Variants in ZNF791 observed in about 807,000 individuals in gnomAD.
ZNF791 encodes the protein zinc finger protein 791.
ZNF791 carries 4 observed loss-of-function variants against 11.5 expected under a neutral mutation model. The observed-to-expected ratio is 0.35, with a 90% CI of 0.17 to 0.80. The LOEUF is 0.80. Ranked by LOEUF, ZNF791 falls within the 30% of genes least tolerant of loss-of-function variation. ZNF791 has a pLI of 0.53. For missense variants in ZNF791, 559 were observed against 699.4 expected (o/e 0.80, Z 2.26); for synonymous variants, 212 against 228.1 (o/e 0.93, Z 0.64).
intron 1 of ZNF791, among the ~76,000 whole-genome samples, chr19:12,617,913 C>CTTT (rs958944041): frequency 5.2e-4 from 49 of 94,678 alleles, no homozygotes; most frequent in Middle Eastern, 6.7e-3. Flanking sequence ...CTAAATTTTG[C>CTTT]TTTTTTTTTT....
chr19:12,626,773 T>C (rs2023435087), intron 3 of ZNF791, among the ~76,000 whole-genome samples: 1 of 150,040 alleles, frequency 6.7e-6, no homozygotes, highest in African/African-American at 2.5e-5. Context: ...CCCGGCTAAT[T>C]TTTTTGTATT....
intron 1 of ZNF791, 55 bp from the exon 2 acceptor site, chr19:12,623,645 A>G: frequency 6.2e-7 from 1 of 1,606,304 alleles, no homozygotes; most frequent in Non-Finnish European, 8.5e-7. Context: ...TGAATTGAGG[A>G]TACCTCTCAT....
chr19:12,619,300 A>G (rs2023296002), intron 1 of ZNF791, among the ~76,000 whole-genome samples: 1 of 152,190 alleles, frequency 6.6e-6, no homozygotes, highest in Non-Finnish European at 1.5e-5. Flanking sequence ...GTGCAAACGC[A>G]CAATAAATTC....
chr19:12,616,088 T>C (rs1395233004), intron 1 of ZNF791, among the ~76,000 whole-genome samples: 1 of 152,236 alleles, frequency 6.6e-6, no homozygotes, highest in Non-Finnish European at 1.5e-5. Flanking sequence ...TTGCTATCCA[T>C]TGCTGTTCTC....
chr19:12,628,011 A>C lies in ZNF791; in HGVS notation c.482A>C (p.Lys161Thr). ...AGTCACACTGGAGAAAAACCCTATA[A>C]ATGTAAACAATGTGGAAAAACCTTC... ...ERSHTGEKPY[K>T]CKQCGKTFIY... The change falls in exon 4 of 4, where the codon AAA becomes ACA. Residue 161 changes from lysine (K) to threonine (T), a missense_variant. Coordinates refer to ENST00000343325, the MANE Select transcript of ZNF791 (RefSeq NM_153358.3). 6.2e-7 allele frequency: 1 copy of C among 1,613,338 alleles called. No individual in the cohort carries two copies. Among genetic ancestry groups the C allele is most frequent in the Middle Eastern group, 1.7e-4 (1 of 6,058 alleles).
At chr19:12,619,501 G>A (rs1181884622) in intron 1 of ZNF791, among the ~76,000 whole-genome samples, 6 of 140,042 alleles carry the variant, frequency 4.3e-5, no homozygotes, top group African/African-American at 1.3e-4. Flanking sequence ...CCAGGCTGGA[G>A]TGCAGTGGCG....
Position 12,628,560 on chromosome 19 carries a change from G to A in ZNF791, c.1031G>A (p.Arg344Gln), listed in dbSNP as rs765211548. The A allele has an allele frequency of 3.1e-5, 49 of 1,598,742 alleles. No homozygotes were observed. Among genetic ancestry groups the A allele is most frequent in the East Asian group, 1.1e-4 (5 of 44,718 alleles). ...GKSFSARPAF[R>Q]VHVRVHTGEK... Reference sequence around the variant, plus strand: ...TCTTTCAGTGCACGCCCAGCCTTTCGAGTACACGTGAGAGTGCATACTGGA... The same window carrying A: ...TCTTTCAGTGCACGCCCAGCCTTTCAAGTACACGTGAGAGTGCATACTGGA... Residue 344 changes from arginine to glutamine, a missense_variant, in exon 4 of 4, where the codon CGA (arginine) becomes CAA (glutamine). By Grantham distance (43) the Arg-to-Gln change is conservative (BLOSUM62 1). Transcript: ENST00000343325.
In ZNF791 at chr19:12,628,143, T is replaced by C. The variant is rs1263326661; in HGVS notation, c.614T>C (p.Val205Ala). 6.2e-7 allele frequency: 1 copy of C among 1,614,090 alleles called. No individual in the cohort carries two copies. Residue 205 changes from valine to alanine, a missense_variant, in exon 4 of 4, where the codon GTT becomes GCT. Coordinates refer to ENST00000343325, the MANE Select transcript of ZNF791 (RefSeq NM_153358.3). ...KALSCSSSLR[V>A]HERIHTGEKP... ...CTTAGTTGTTCCAGTTCGCTTCGAG[T>C]TCATGAAAGGATTCACACTGGAGAA...
intron 1 of ZNF791, among the ~76,000 whole-genome samples, chr19:12,616,548 C>A (rs2023247078): frequency 6.6e-6 from 1 of 152,096 alleles, no homozygotes; most frequent in Non-Finnish European, 1.5e-5. Flanking sequence ...AAAAATTAGC[C>A]CAATGTGGGT....
intron 1 of ZNF791, among the ~76,000 whole-genome samples, chr19:12,620,330 C>T (rs1401387930): frequency 1.3e-5 from 2 of 152,128 alleles, no homozygotes; most frequent in Admixed American, 6.6e-5. Context: ...CGTGCACCAC[C>T]ACGCCTGGCC....
rs1454130062 is a variant in ZNF791, at chr19:12,614,914, T to TTTTTTTTTTTTTTG, written c.3+3833_3+3846dup. On this transcript the variant is annotated intron_variant, in intron 1 of 3. Transcript: ENST00000343325. ...GGCCTTTTTTTTTTTTTTTTTTTTT[T>TTTTTTTTTTTTTTG]TTTTTTTTTTTTTGATACAGCGTCT... 2.2e-5 allele frequency among the ~76,000 whole-genome samples: 3 copies of TTTTTTTTTTTTTTG among 138,172 alleles called. 1 individual carries two copies. Among genetic ancestry groups the TTTTTTTTTTTTTTG allele is most frequent in the Non-Finnish European group, 4.6e-5 (3 of 64,982 alleles). The allele number at this position is 138,172 out of a possible 152,430, so 90.6% of individuals were successfully genotyped here. A position where few individuals can be genotyped will look rare whatever the true frequency, so the allele number is the denominator to read the frequency against.
chr19:12,612,035 T>C (rs1568285083), intron 1 of ZNF791, among the ~76,000 whole-genome samples: 1 of 152,214 alleles, frequency 6.6e-6, no homozygotes, highest in East Asian at 1.9e-4. Flanking sequence ...AAAAATTCTT[T>C]GTTCTTTCCC....
chr19:12,617,913 CTTTTTTT>C (rs958944041), intron 1 of ZNF791, among the ~76,000 whole-genome samples: 4 of 94,746 alleles, frequency 4.2e-5, no homozygotes, highest in African/African-American at 8.6e-5. Flanking sequence ...CTAAATTTTG[CTTTTTTT>C]TTTTTTTTTT....
Position 12,613,193 on chromosome 19 carries a change from C to T in ZNF791, c.3+2111C>T, listed in dbSNP as rs530732834. Among the ~76,000 whole-genome samples, 172 of 151,578 alleles carry T rather than the reference C, an allele frequency of 1.1e-3. 2 individuals carry two copies. The highest frequency in any genetic ancestry group is 6.9e-3 in the Middle Eastern group (2 of 290). ...CAGTCCGGTCTCGAACTCCGGACCG[C>T]AGGTGATCCACCCGCCTCAGCCTCC... is the stretch of plus-strand genomic sequence containing the variant. On this transcript the variant is annotated intron_variant, in intron 1 of 3. Transcript: ENST00000343325.
At chr19:12,625,724 G>T (rs956042170) in intron 3 of ZNF791, among the ~76,000 whole-genome samples, 2 of 148,690 alleles carry the variant, frequency 1.3e-5, no homozygotes, top group Non-Finnish European at 3.0e-5. Context: ...GGCAGAGGTT[G>T]CAGTGAGCCC....
chr19:12,613,307 C>A (rs2023190330), intron 1 of ZNF791, among the ~76,000 whole-genome samples: 2 of 151,976 alleles, frequency 1.3e-5, no homozygotes, highest in African/African-American at 4.8e-5. Context: ...AAGGGCCCGG[C>A]ACGGTGGCTC....
At chr19:12,614,705 C>G (rs1448090083) in intron 1 of ZNF791, among the ~76,000 whole-genome samples, 1 of 150,622 alleles carries the variant, frequency 6.6e-6, no homozygotes, top group African/African-American at 2.4e-5. Flanking sequence ...AGCGATTCTT[C>G]TGCCTCAGCC....
chr19:12,628,639 C>T lies in ZNF791; in HGVS notation c.1110C>T (p.Tyr370=), dbSNP rs768930256. Reference sequence around the variant, plus strand: ...GGAAAGCCTTTAGTAGAATCAGTTACTTTCGAATACATGAAAGGACTCACA... The same window carrying T: ...GGAAAGCCTTTAGTAGAATCAGTTATTTTCGAATACATGAAAGGACTCACA... ...ECGKAFSRIS[Y]FRIHERTHTG... is the part of the protein sequence containing the mutation. The change falls in exon 4 of 4, where the codon TAC becomes TAT. Residue 370 remains tyrosine, a synonymous_variant. Coordinates refer to ENST00000343325, the MANE Select transcript of ZNF791 (RefSeq NM_153358.3). 3 of 1,604,660 alleles carry T rather than the reference C, an allele frequency of 1.9e-6. No homozygotes were observed. The highest frequency in any genetic ancestry group is 1.7e-6 in the Non-Finnish European group (2 of 1,176,200).
At chr19:12,612,642 A>T (rs2023177306) in intron 1 of ZNF791, among the ~76,000 whole-genome samples, 2 of 135,726 alleles carry the variant, frequency 1.5e-5, no homozygotes, top group Admixed American at 7.6e-5. Context: ...TTTAGTAGAG[A>T]GTGTTTCACT....
Sources: allele counts gnomAD v4.1 joint callset (sites outside exome capture counted in the v4.1 genomes callset), GRCh38; gene constraint gnomAD v4.1.1; transcripts MANE v1.5; gene names NCBI Gene and HGNC (gene_info 2026-07-23, HGNC 2026-07-21).